The following ARFGEF3 variants were observed in gnomAD, a reference collection of about 807,000 sequenced individuals.
ARFGEF3 encodes the protein brefeldin A-inhibited guanine nucleotide-exchange protein 3.
A neutral mutation model predicts 221.7 loss-of-function variants in ARFGEF3; 96 were observed. That is an observed-to-expected ratio of 0.43 (90% CI 0.37 to 0.51). The LOEUF is 0.51. ARFGEF3 is among the 20% of genes least tolerant of loss of function. The pLI is 0.00. For synonymous variants in ARFGEF3, 1,145 were observed against 1,126.8 expected (o/e 1.02, Z -0.32); for missense variants, 2,410 against 2,789.9 (o/e 0.86, Z 3.07).
chr6:138,213,866 A>C (rs115145335), intron 4 of ARFGEF3, among the ~76,000 whole-genome samples: 2,189 of 152,300 alleles, frequency 0.014, 57 homozygotes, highest in African/African-American at 0.049. Flanking sequence ...CAAGATAACT[A>C]TACTTTGGGT....
intron 4 of ARFGEF3, among the ~76,000 whole-genome samples, chr6:138,227,557 T>G (rs1322322794): frequency 6.6e-6 from 1 of 152,136 alleles, no homozygotes; most frequent in Admixed American, 6.5e-5. Flanking sequence ...CAGTCTTTAT[T>G]GTCAATACTT....
intron 12 of ARFGEF3, among the ~76,000 whole-genome samples, chr6:138,270,528 C>A (rs1338939370): frequency 6.6e-6 from 1 of 151,830 alleles, no homozygotes; most frequent in Non-Finnish European, 1.5e-5. Flanking sequence ...TAGCACTGAA[C>A]AGCTGTGACC....
chr6:138,249,372 C>T (rs1194977862), intron 8 of ARFGEF3, among the ~76,000 whole-genome samples: 1 of 152,178 alleles, frequency 6.6e-6, no homozygotes, highest in African/African-American at 2.4e-5. Flanking sequence ...CTCTGTCGCC[C>T]AGGCTGGAGT....
intron 10 of ARFGEF3, among the ~76,000 whole-genome samples, chr6:138,258,600 C>T (rs1778730031): frequency 1.3e-5 from 2 of 152,308 alleles, no homozygotes; most frequent in South Asian, 4.2e-4. Flanking sequence ...TTATACGTCC[C>T]ATAACACTGA....
chr6:138,322,430 T>C (rs1054792391), intron 29 of ARFGEF3, among the ~76,000 whole-genome samples: 1 of 152,060 alleles, frequency 6.6e-6, no homozygotes, highest in Non-Finnish European at 1.5e-5. Flanking sequence ...AAGATGAGAT[T>C]TGGGGAGGGA....
At chr6:138,280,260 A>G in intron 14 of ARFGEF3, 96 bp downstream of exon 14, 1 of 1,215,718 alleles carries the variant, frequency 8.2e-7, no homozygotes, top group Non-Finnish European at 1.2e-6. Context: ...CTTGGAGCAG[A>G]CTTTGAAACA....
At position 138,178,078 on chromosome 6, in the gene ARFGEF3, G is replaced by A. The variant is rs530775059; in HGVS notation, c.137+7365G>A. Among the ~76,000 whole-genome samples the A allele has an allele frequency of 2.6e-5, 4 of 152,264 alleles. No homozygotes were observed. The East Asian group carries it at 5.8e-4, about 22-fold the overall frequency. On this transcript the variant is annotated intron_variant, in intron 2 of 33. Coordinates refer to ENST00000251691, the MANE Select transcript of ARFGEF3 (RefSeq NM_020340.5). ...TTGTGTTGATTTAAATGCATTTGGA[G>A]CAAGGGTAGCTTCCTCTTTCTGAAT...
In ARFGEF3 at chr6:138,162,055, G is replaced by T; in HGVS notation, c.-32G>T. On this transcript the variant is annotated 5_prime_UTR_variant, in exon 1 of 34. Transcript: ENST00000251691. The surrounding 1 kb of genome is among the most constrained non-coding windows in gnomAD (Gnocchi z 4.7). The stretch of plus-strand genomic sequence containing the variant: ...CCGGCTCGCCCGCGCTTCTCTCCCT[G>T]TGGGCGGCGGCCCGGCGCCTGGAAG... 6.5e-7 allele frequency: 1 copy of T among 1,540,194 alleles called. No individual in the cohort carries two copies. Among genetic ancestry groups the T allele is most frequent in the Non-Finnish European group, 8.8e-7 (1 of 1,137,998 alleles).
chr6:138,319,872 A>G lies in ARFGEF3; in HGVS notation c.4644A>G (p.Leu1548=). 4 of 1,613,704 alleles carry G rather than the reference A, an allele frequency of 2.5e-6. No homozygotes were observed. The highest frequency in any genetic ancestry group is 1.1e-5 in the South Asian group (1 of 91,024). The part of the protein sequence containing the change: ...ELVVEHIQSF[L]HSDIRYESMI... ...TGGTGGAGCACATTCAAAGCTTTCT[A>G]CATTCAGGTATCTGAAGTGCCAGAG... is the stretch of plus-strand genomic sequence containing the variant. Residue 1548 remains leucine, a synonymous_variant, in exon 28 of 34, where the codon CTA becomes CTG. Transcript: ENST00000251691.
intron 26 of ARFGEF3, among the ~76,000 whole-genome samples, chr6:138,314,450 GT>G (rs975527277): frequency 2.6e-5 from 4 of 152,242 alleles, no homozygotes; most frequent in East Asian, 1.9e-4. Context: ...CAAAATTGAG[GT>G]TCTTCTCACA....
intron 5 of ARFGEF3, among the ~76,000 whole-genome samples, chr6:138,234,503 G>A (rs943384513): frequency 6.6e-6 from 1 of 151,798 alleles, no homozygotes; most frequent in Non-Finnish European, 1.5e-5. Context: ...TGTGTGTGGT[G>A]TGTGTTTGCA....
Position 138,337,823 on chromosome 6 carries a change from C to T in ARFGEF3, c.*1337C>T, listed in dbSNP as rs1780357942. The T allele has an allele frequency of 6.6e-6, 1 of 152,202 alleles. No individual in the cohort carries two copies. The highest frequency in any genetic ancestry group is 1.5e-5 in the Non-Finnish European group (1 of 68,014). The allele number at this position is 152,202 out of a possible 1,614,324, so 9.4% of individuals were successfully genotyped here. On this transcript the variant is annotated 3_prime_UTR_variant, in exon 34 of 34. Transcript: ENST00000251691. ...ACATTATCCTAATGATTGAAAACTC[C>T]TCAATCAAGCTTACTTACACACATT...
intron 4 of ARFGEF3, among the ~76,000 whole-genome samples, chr6:138,224,406 T>C (rs1271859456): frequency 6.6e-6 from 1 of 152,180 alleles, no homozygotes; most frequent in African/African-American, 2.4e-5. Context: ...CACCTGAAAC[T>C]CCAGTGTTAC....
chr6:138,256,394 G>C (rs1347273670), intron 10 of ARFGEF3, among the ~76,000 whole-genome samples: 1 of 152,112 alleles, frequency 6.6e-6, no homozygotes, highest in Non-Finnish European at 1.5e-5. Context: ...AAAGTCATCA[G>C]TGTTTTTGTA....
Position 138,256,115 on chromosome 6 carries a change from A to G in ARFGEF3, c.1104+346A>G, listed in dbSNP as rs111946224. Among the ~76,000 whole-genome samples, 352 of 152,280 alleles carry G rather than the reference A, an allele frequency of 2.3e-3. 1 individual carries two copies. Among genetic ancestry groups the G allele is most frequent in the African/African-American group, 7.3e-3 (305 of 41,552 alleles). On this transcript the variant is annotated intron_variant, in intron 10 of 33. Transcript: ENST00000251691. ...TATATGTGTTTATTCGCCTTTGCCA[A>G]CATTAGATTTCAAAATGATTTTATA...
chr6:138,190,669 A>T (rs2114466876), intron 2 of ARFGEF3, among the ~76,000 whole-genome samples: 1 of 152,294 alleles, frequency 6.6e-6, no homozygotes, highest in East Asian at 1.9e-4. Flanking sequence ...TGCCCATTTT[A>T]TAGCTGAGTG....
Position 138,291,983 on chromosome 6 carries a change from C to A in ARFGEF3, c.3298C>A (p.Arg1100Ser). 6.5e-7 allele frequency: 1 copy of A among 1,535,258 alleles called. No homozygotes were observed. Residue 1100 changes from arginine to serine, a missense_variant, in exon 19 of 34, where the codon CGC (arginine) becomes AGC (serine). Transcript: ENST00000251691. The surrounding 1 kb of genome is among the most constrained non-coding windows in gnomAD (Gnocchi z 4.5). ...CAGCCGGGGTCGGGCCTCCGACTTC[C>A]GCGGCGGGAGCCTCATGAGCGGGAG... ...EGSRGRASDF[R>S]GGSLMSGSSA...
intron 2 of ARFGEF3, among the ~76,000 whole-genome samples, chr6:138,188,825 G>A (rs1375571666): frequency 6.6e-6 from 1 of 152,186 alleles, no homozygotes; most frequent in Non-Finnish European, 1.5e-5. Context: ...GAGGTATAGG[G>A]TCTGTGATAT....
intron 2 of ARFGEF3, among the ~76,000 whole-genome samples, chr6:138,196,333 C>A (rs1777421802): frequency 6.6e-6 from 1 of 152,360 alleles, no homozygotes; most frequent in South Asian, 2.1e-4. Flanking sequence ...ATACAGTCTA[C>A]TATACACCTA....
Sources: allele counts gnomAD v4.1 joint callset (sites outside exome capture counted in the v4.1 genomes callset), GRCh38; gene constraint gnomAD v4.1.1; non-coding constraint Gnocchi (gnomAD v3.1); transcripts MANE v1.5; gene names NCBI Gene and HGNC (gene_info 2026-07-23, HGNC 2026-07-21).